ABCC1: variants seen among roughly 807,000 people sequenced by gnomAD.
ABCC1 encodes the protein multidrug resistance-associated protein 1.
In ABCC1, 83 loss-of-function variants were observed where a neutral mutation model predicts 172.9. The observed-to-expected ratio is 0.48, with a 90% CI of 0.40 to 0.58. The LOEUF (loss-of-function observed/expected upper bound fraction) is 0.58. Ranked by LOEUF, ABCC1 falls within the 20% of genes least tolerant of loss-of-function variation. The probability of loss-of-function intolerance (pLI) is 0.00; values close to 1 mark genes in which losing one functional copy is unlikely to be tolerated. For missense variants in ABCC1, 1,817 were observed against 2,002.7 expected, an observed-to-expected ratio of 0.91 and a Z score of 1.77; for synonymous variants, 937 against 825.2, an observed-to-expected ratio of 1.14 and a Z score of -2.32.
chr16:16,034,824 G>A (rs1433512428), intron 6 of ABCC1, among the ~76,000 whole-genome samples: 1 of 151,852 alleles, frequency 6.6e-6, no homozygotes, highest in Non-Finnish European at 1.5e-5. Flanking sequence ...CTGACTTCAG[G>A]TGATCCACCC....
intron 5 of ABCC1, among the ~76,000 whole-genome samples, chr16:16,022,006 C>G (rs538051905): frequency 1.3e-5 from 2 of 152,322 alleles, no homozygotes; most frequent in East Asian, 3.9e-4. Flanking sequence ...TTTCCCATCA[C>G]TCTCAGGGAT....
rs28363990 is a variant in ABCC1, at chr16:16,114,723, C to T, written c.3080-43C>T. ...ACTCCTCCCTGCAGTGCCTGGTCAG[C>T]TCCCTCTCTGCATTGTGGAGTTTTA... On this transcript the variant is annotated intron_variant, in intron 22 of 30. Coordinates refer to ENST00000399410, the MANE Select transcript of ABCC1 (RefSeq NM_004996.4). 2.2e-3 allele frequency: 3,347 copies of T among 1,543,940 alleles called. 99 individuals are homozygous for T. In the East Asian group the frequency reaches 0.062, roughly 29 times the overall value.
At chr16:16,127,129 A>G (rs2045474933) in intron 26 of ABCC1, among the ~76,000 whole-genome samples, 1 of 152,210 alleles carries the variant, frequency 6.6e-6, no homozygotes, top group Non-Finnish European at 1.5e-5. Flanking sequence ...CCCACCCTAC[A>G]TTAATGATAA....
chr16:16,029,423 A>G (rs772403214), intron 5 of ABCC1, among the ~76,000 whole-genome samples: 5 of 151,958 alleles, frequency 3.3e-5, no homozygotes, highest in Non-Finnish European at 7.4e-5. Context: ...GGGTCTTGCC[A>G]TGTTGCCCAG....
intron 5 of ABCC1, among the ~76,000 whole-genome samples, chr16:16,028,597 G>T (rs538014813): frequency 6.6e-6 from 1 of 152,012 alleles, no homozygotes. Flanking sequence ...CAGCTCTTCC[G>T]GATGAAAAAC....
chr16:16,031,843 G>A (rs2048570015), intron 5 of ABCC1, among the ~76,000 whole-genome samples: 1 of 151,898 alleles, frequency 6.6e-6, no homozygotes, highest in South Asian at 2.1e-4. Context: ...AGAAGTTGTA[G>A]TTTTGCATTT....
intron 22 of ABCC1, among the ~76,000 whole-genome samples, chr16:16,112,378 A>C (rs74807771): frequency 0.067 from 10,115 of 151,318 alleles, 416 homozygotes; most frequent in Non-Finnish European, 0.095. Context: ...AATAAACAAA[A>C]AAAAAAAAAC....
intron 16 of ABCC1, among the ~76,000 whole-genome samples, chr16:16,081,944 G>A (rs1172279608): frequency 1.3e-5 from 2 of 152,104 alleles, no homozygotes; most frequent in Non-Finnish European, 2.9e-5. Flanking sequence ...CCTTGAGCCC[G>A]GAGGCAGAGA....
intron 19 of ABCC1, among the ~76,000 whole-genome samples, chr16:16,092,022 G>C (rs1044015711): frequency 1.3e-5 from 2 of 152,204 alleles, no homozygotes; most frequent in East Asian, 3.9e-4. Flanking sequence ...TGGATCACCT[G>C]AGGTCAGGAG....
At chr16:16,025,675 A>G (rs1044612213) in intron 5 of ABCC1, among the ~76,000 whole-genome samples, 16 of 152,186 alleles carry the variant, frequency 1.1e-4, no homozygotes, top group Non-Finnish European at 2.2e-4. Context: ...CGCTCCAAGA[A>G]TCAGTGCCTG....
At chr16:16,104,721 G>A (rs541125259) in intron 20 of ABCC1, among the ~76,000 whole-genome samples, 4 of 152,276 alleles carry the variant, frequency 2.6e-5, no homozygotes, top group Non-Finnish European at 4.4e-5. Flanking sequence ...GAGCAGGGGC[G>A]GCACTCGTCC....
At chr16:16,011,462 A>G (rs916869343) in intron 3 of ABCC1, among the ~76,000 whole-genome samples, 13 of 151,814 alleles carry the variant, frequency 8.6e-5, no homozygotes, top group Admixed American at 2.6e-4. Context: ...ATGAATCTTT[A>G]TTTTTCTAAA....
At chr16:16,121,129 A>G (rs2045135201) in intron 23 of ABCC1, among the ~76,000 whole-genome samples, 1 of 152,202 alleles carries the variant, frequency 6.6e-6, no homozygotes, top group Non-Finnish European at 1.5e-5. Context: ...TACACATCAC[A>G]TGTAAGACTG....
chr16:16,128,039 G>C (rs2045514285), intron 26 of ABCC1, among the ~76,000 whole-genome samples: 1 of 149,852 alleles, frequency 6.7e-6, no homozygotes, highest in Non-Finnish European at 1.5e-5. Flanking sequence ...TCCTGCCTCA[G>C]CCTCCCAATT....
At chr16:15,992,016 C>T (rs1050054551) in intron 1 of ABCC1, among the ~76,000 whole-genome samples, 4 of 152,114 alleles carry the variant, frequency 2.6e-5, no homozygotes, top group African/African-American at 4.8e-5. Context: ...TATTTACAGC[C>T]GCTCCCCATC....
At chr16:16,042,530 C>T (rs924951443) in intron 7 of ABCC1, among the ~76,000 whole-genome samples, 1 of 152,018 alleles carries the variant, frequency 6.6e-6, no homozygotes, top group African/African-American at 2.4e-5. Flanking sequence ...TGGTGAAACC[C>T]TGTCTCTACT....
chr16:15,983,043 G>T (rs961320704), intron 1 of ABCC1, among the ~76,000 whole-genome samples: 5 of 152,014 alleles, frequency 3.3e-5, no homozygotes, highest in African/African-American at 9.7e-5. Flanking sequence ...TAGTGCCTGA[G>T]AAATATTTGA....
chr16:16,138,096 A>G (rs762053849), intron 29 of ABCC1, among the ~76,000 whole-genome samples: 49 of 152,014 alleles, frequency 3.2e-4, no homozygotes, highest in Non-Finnish European at 4.4e-5. Flanking sequence ...GCTTCAAGCT[A>G]TCCTCCCACC....
At chr16:16,102,839 C>T (rs1040900908) in intron 20 of ABCC1, 122 bp downstream of exon 20, 1 of 846,926 alleles carries the variant, frequency 1.2e-6, no homozygotes, top group Admixed American at 2.8e-5. Context: ...TTTACCTTCC[C>T]TCCCAAATCC....
Sources: gnomAD v4.1 joint callset for allele counts (sites outside exome capture counted in the v4.1 genomes callset) on GRCh38, gnomAD v4.1.1 for gene constraint, MANE v1.5 for transcripts, NCBI Gene and HGNC (gene_info 2026-07-23, HGNC 2026-07-21) for gene names.